UGT1A10: variants seen among roughly 807,000 people sequenced by gnomAD.
The protein encoded by UGT1A10 is UDP-glucuronosyltransferase 1A10.
UGT1A10 carries 49 observed loss-of-function variants against 45.8 expected under a neutral mutation model. The ratio of observed to expected loss-of-function variants is 1.07; its 90% CI spans 0.85 to 1.36. UGT1A10 has a LOEUF of 1.36. UGT1A10 is among the 40% of genes most tolerant of loss of function. The pLI, the probability that UGT1A10 is intolerant of heterozygous loss-of-function variation, is 0.00. For synonymous variants in UGT1A10, 284 were observed against 249.7 expected (o/e 1.14, Z -1.29); for missense variants, 745 against 668.6 (o/e 1.11, Z -1.26).
At chr2:233,761,970 T>C (rs1029002470) in intron 1 of UGT1A10, among the ~76,000 whole-genome samples, 6 of 152,224 alleles carry the variant, frequency 3.9e-5, no homozygotes, top group Non-Finnish European at 8.8e-5. Context: ...GGGACTGATA[T>C]CACCTTCGGA....
At chr2:233,710,646 T>C (rs1403347719) in intron 1 of UGT1A10, among the ~76,000 whole-genome samples, 1 of 152,250 alleles carries the variant, frequency 6.6e-6, no homozygotes, top group Non-Finnish European at 1.5e-5. Context: ...TTACATATTC[T>C]GGATACAAGT....
rs375498105 is a variant in UGT1A10 at position 233,743,694 on chromosome 2, C to T, written c.856-23340C>T. 64 of 1,367,302 alleles carry T rather than the reference C, an allele frequency of 4.7e-5. No homozygotes were observed. In the African/African-American group the frequency reaches 6.5e-4, roughly 14 times the overall value. The allele number at this position is 1,367,302 out of a possible 1,614,324, so 84.7% of individuals were successfully genotyped here. A position where few individuals can be genotyped will look rare whatever the true frequency, so the allele number is the denominator to read the frequency against. ...AAGGGCCTGCCGCCTGTGCAGCCGC[C>T]CTCCGCCCCCGCCTCGCCATAGCGG... On this transcript the variant is annotated intron_variant, in intron 1 of 4. Coordinates refer to ENST00000344644, the MANE Select transcript of UGT1A10 (RefSeq NM_019075.4).
intron 1 of UGT1A10, among the ~76,000 whole-genome samples, chr2:233,696,340 C>T (rs905819454): frequency 8.6e-5 from 13 of 151,938 alleles, no homozygotes; most frequent in African/African-American, 2.9e-4. Context: ...TTATACAGAT[C>T]TTTCACTTCC....
intron 1 of UGT1A10, among the ~76,000 whole-genome samples, chr2:233,681,530 C>CAAAAA (rs747693860): frequency 1.3e-5 from 1 of 77,714 alleles, no homozygotes; most frequent in Non-Finnish European, 2.5e-5. Context: ...GACTCCATCT[C>CAAAAA]AAAAAAAAAA....
chr2:233,640,518 C>T (rs1296143777), intron 1 of UGT1A10, among the ~76,000 whole-genome samples: 1 of 152,140 alleles, frequency 6.6e-6, no homozygotes, highest in African/African-American at 2.4e-5. Flanking sequence ...TTGCCTCATA[C>T]AACATCTTTT....
intron 1 of UGT1A10, among the ~76,000 whole-genome samples, chr2:233,701,918 C>T (rs936190696): frequency 6.6e-6 from 1 of 152,056 alleles, no homozygotes; most frequent in Non-Finnish European, 1.5e-5. Context: ...GACACCCTAA[C>T]ATCACAATTA....
At chr2:233,763,966 T>C (rs189385598) in intron 1 of UGT1A10, among the ~76,000 whole-genome samples, 68 of 152,296 alleles carry the variant, frequency 4.5e-4, no homozygotes, top group Admixed American at 7.2e-4. Flanking sequence ...GGTTGAGATA[T>C]ATGTGGGTTA....
intron 1 of UGT1A10, among the ~76,000 whole-genome samples, chr2:233,665,668 A>T (rs1037613360): frequency 6.6e-6 from 1 of 152,248 alleles, no homozygotes; most frequent in African/African-American, 2.4e-5. Flanking sequence ...ATCTGTAATA[A>T]TTGGCTGACC....
intron 1 of UGT1A10, among the ~76,000 whole-genome samples, chr2:233,686,344 T>C (rs1306705883): frequency 6.6e-6 from 1 of 152,140 alleles, no homozygotes; most frequent in Non-Finnish European, 1.5e-5. Context: ...ACAAAAGCTT[T>C]TGTATATCAA....
intron 1 of UGT1A10, among the ~76,000 whole-genome samples, chr2:233,739,452 G>A (rs115541121): frequency 6.6e-6 from 1 of 152,196 alleles, no homozygotes; most frequent in Non-Finnish European, 1.5e-5. Flanking sequence ...AAGCCACAGG[G>A]TTGGAGCTGC....
At chr2:233,640,856 G>C (rs2073432746) in intron 1 of UGT1A10, among the ~76,000 whole-genome samples, 1 of 152,124 alleles carries the variant, frequency 6.6e-6, no homozygotes, top group Non-Finnish European at 1.5e-5. Context: ...TGTCAGGGGG[G>C]AAATGTGGAG....
At chr2:233,771,280 CCTTTT>C (rs1700275539) in intron 4 of UGT1A10, 2 of 152,190 alleles carry the variant, frequency 1.3e-5, no homozygotes, top group Non-Finnish European at 1.5e-5. Flanking sequence ...CTTTCTTCTC[CCTTTT>C]CTTTTCTACT....
At chr2:233,746,789 T>C (rs1693473913) in intron 1 of UGT1A10, among the ~76,000 whole-genome samples, 1 of 151,828 alleles carries the variant, frequency 6.6e-6, no homozygotes, top group South Asian at 2.1e-4. Context: ...TCTGTTGTAA[T>C]TCATGAGCGT....
intron 1 of UGT1A10, among the ~76,000 whole-genome samples, chr2:233,674,166 A>G (rs2074275839): frequency 6.6e-6 from 1 of 152,208 alleles, no homozygotes; most frequent in Non-Finnish European, 1.5e-5. Flanking sequence ...TAACACAGTC[A>G]TATTCTCTCA....
Position 233,638,088 on chromosome 2 carries a change from A to G in UGT1A10, c.855+711A>G, listed in dbSNP as rs539047899. Among the ~76,000 whole-genome samples the G allele has an allele frequency of 5.9e-5, 9 of 152,300 alleles. No homozygotes were observed. In the South Asian group the frequency reaches 1.2e-3, roughly 21 times the overall value. On this transcript the variant is annotated intron_variant, in intron 1 of 4. Transcript: ENST00000344644. ...TCTTGCTTTTATCTTAGTAGACTAG[A>G]GTCCTACACGTAGGGTTACAGGGTT...
At chr2:233,737,199 C>T (rs762867419) in intron 1 of UGT1A10, among the ~76,000 whole-genome samples, 7 of 152,222 alleles carry the variant, frequency 4.6e-5, no homozygotes, top group Non-Finnish European at 7.3e-5. Flanking sequence ...TGCTGAGCTG[C>T]GGTGGACTCT....
chr2:233,764,151 G>A (rs1391990112), intron 1 of UGT1A10, among the ~76,000 whole-genome samples: 1 of 152,184 alleles, frequency 6.6e-6, no homozygotes. Flanking sequence ...CATTTTGGCT[G>A]GTGAAGTCTC....
In UGT1A10 at chr2:233,743,703, C is replaced by T. The variant is rs200396442; in HGVS notation, c.856-23331C>T. 2.1e-4 allele frequency: 292 copies of T among 1,367,370 alleles called. 6 individuals are homozygous for T. Among genetic ancestry groups the T allele is most frequent in the African/African-American group, 1.2e-3 (81 of 67,578 alleles). 84.7% of individuals were successfully genotyped at this position (1,367,370 alleles called of 1,614,324 possible). On this transcript the variant is annotated intron_variant, in intron 1 of 4. Coordinates refer to ENST00000344644, the MANE Select transcript of UGT1A10 (RefSeq NM_019075.4). ...CCGCCTGTGCAGCCGCCCTCCGCCCCCGCCTCGCCATAGCGGTCATAGATA... is the reference window on the plus strand; with the variant it reads ...CCGCCTGTGCAGCCGCCCTCCGCCCTCGCCTCGCCATAGCGGTCATAGATA...
intron 1 of UGT1A10, chr2:233,713,168 G>A (rs773495849): frequency 1.2e-6 from 2 of 1,614,212 alleles, no homozygotes; most frequent in South Asian, 2.2e-5. Flanking sequence ...ACCAGGTGGT[G>A]GTCCTCACCC....
Sources: gnomAD v4.1 joint callset for allele counts (sites outside exome capture counted in the v4.1 genomes callset) on GRCh38, gnomAD v4.1.1 for gene constraint, MANE v1.5 for transcripts, NCBI Gene and HGNC (gene_info 2026-07-23, HGNC 2026-07-21) for gene names.